GFM1: variants seen among roughly 807,000 people sequenced by gnomAD.
GFM1 encodes G elongation factor mitochondrial 1, also known as elongation factor G, mitochondrial.
Under a neutral mutation model 96.2 loss-of-function variants are expected in GFM1, and 62 were observed. That is an observed-to-expected ratio of 0.64 (90% CI 0.53 to 0.80). The LOEUF (loss-of-function observed/expected upper bound fraction) is 0.80. Ranked by LOEUF, GFM1 falls within the 30% of genes least tolerant of loss-of-function variation. GFM1 has a pLI of 0.00. For synonymous variants in GFM1, 282 were observed against 312.9 expected, an observed-to-expected ratio of 0.90 and a Z score of 1.04; for missense variants, 852 against 916.6, an observed-to-expected ratio of 0.93 and a Z score of 0.91.
chr3:158,691,649 G>GTAAT lies in GFM1; in HGVS notation c.*184_*187dup. 1.8e-6 allele frequency: 1 copy of GTAAT among 568,206 alleles called. No individual in the cohort carries two copies. The highest frequency in any genetic ancestry group is 3.1e-6 in the Non-Finnish European group (1 of 321,290). 35.2% of individuals were successfully genotyped at this position (568,206 alleles called of 1,614,324 possible). ...TCAGGAGCTTCTGTTATATTCAAAG[G>GTAAT]TAATTCTATGTCTATCTCAACTCTA... On this transcript the variant is annotated 3_prime_UTR_variant, in exon 18 of 18. Coordinates refer to ENST00000486715, the MANE Select transcript of GFM1 (RefSeq NM_024996.7).
Position 158,658,919 on chromosome 3 carries a change from T to A in GFM1, c.1084-3T>A. The A allele has an allele frequency of 6.2e-7, 1 of 1,614,160 alleles. No homozygotes were observed. The highest frequency in any genetic ancestry group is 1.1e-5 in the South Asian group (1 of 91,082). ...CCTGCCCTTACCCAATCTTGACTTC[T>A]AGGTAGGTCGATTTGGACAATTAAC... On this transcript the variant is annotated splice_region_variant and splice_polypyrimidine_tract_variant and intron_variant, in intron 8 of 17. Transcript: ENST00000486715.
chr3:158,671,708 C>T (rs1288494429), intron 13 of GFM1, among the ~76,000 whole-genome samples: 5 of 152,176 alleles, frequency 3.3e-5, no homozygotes, highest in South Asian at 2.1e-4. Flanking sequence ...AGTAGATTTT[C>T]GTAAAATGAA....
At chr3:158,678,537 T>C (rs998666672) in intron 13 of GFM1, among the ~76,000 whole-genome samples, 1 of 152,342 alleles carries the variant, frequency 6.6e-6, no homozygotes, top group Non-Finnish European at 1.5e-5. Context: ...GTATTGGCAA[T>C]AGCAGGAGAA....
In GFM1 at chr3:158,665,357, A is replaced by G. The variant is rs765609624; in HGVS notation, c.1401A>G (p.Ser467=). 1.5e-5 allele frequency: 24 copies of G among 1,610,792 alleles called. No homozygotes were observed. Among genetic ancestry groups the G allele is most frequent in the African/African-American group, 2.7e-5 (2 of 74,864 alleles). ...PSNKNDLEKF[S]KGIGRFTRED... ...TAAAGAACGATCTGGAAAAATTTTCAAAAGGTATTGGCAGGTTTACAAGAG... is the reference window on the plus strand; with the variant it reads ...TAAAGAACGATCTGGAAAAATTTTCGAAAGGTATTGGCAGGTTTACAAGAG... The change falls in exon 12 of 18, where the codon TCA becomes TCG. Residue 467 remains serine (S), a synonymous_variant. Transcript: ENST00000486715.
At chr3:158,649,346 G>C (rs1722108129) in intron 5 of GFM1, 189 bp downstream of exon 5, 1 of 470,220 alleles carries the variant, frequency 2.1e-6, no homozygotes, top group Non-Finnish European at 3.8e-6. Context: ...TATTCTGTGA[G>C]AGACTATGTT....
chr3:158,666,856 T>C, intron 13 of GFM1: 1 of 1,421,538 alleles, frequency 7.0e-7, no homozygotes, highest in Non-Finnish European at 9.6e-7. Flanking sequence ...AATAGTACTT[T>C]TGTTAAATTG....
At chr3:158,657,118 G>A (rs1044601192) in intron 8 of GFM1, 6 of 152,012 alleles carry the variant, frequency 3.9e-5, no homozygotes, top group African/African-American at 1.4e-4. Flanking sequence ...GTTAAGAGTG[G>A]TTATTTCTGG....
chr3:158,655,253 A>G (rs962180150), intron 8 of GFM1, among the ~76,000 whole-genome samples: 2 of 152,110 alleles, frequency 1.3e-5, no homozygotes, highest in Non-Finnish European at 2.9e-5. Flanking sequence ...TGGGAGGCCA[A>G]GGCGGGCGGA....
In GFM1 at chr3:158,646,172, G is replaced by A. The variant is rs1457393949; in HGVS notation, c.242G>A (p.Gly81Asp). ...GRIAKMHEVK[G>D]KDGVGAVMDS... is the part of the protein sequence containing the mutation. The stretch of plus-strand genomic sequence containing the variant: ...TGCTGTGCTTGTGTTTAGGTGAAAG[G>A]TAAAGATGGAGTTGGTGCTGTCATG... The change falls in exon 3 of 18, where the codon GGT becomes GAT. Residue 81 changes from glycine to aspartate, a missense_variant. Physicochemically the swap from Gly to Asp is moderately conservative, Grantham distance 94. Transcript: ENST00000486715. The A allele has an allele frequency of 6.2e-7, 1 of 1,614,178 alleles. No homozygotes were observed. Among genetic ancestry groups the A allele is most frequent in the African/African-American group, 1.3e-5 (1 of 75,058 alleles).
chr3:158,647,019 T>A, intron 4 of GFM1, 72 bp downstream of exon 4: 1 of 1,151,986 alleles, frequency 8.7e-7, no homozygotes, highest in Non-Finnish European at 1.3e-6. Context: ...AAAGGGTGAT[T>A]AATTCACTGT....
In GFM1 at chr3:158,658,918, C is replaced by T. The variant is rs771662319; in HGVS notation, c.1084-4C>T. ...TCCTGCCCTTACCCAATCTTGACTT[C>T]TAGGTAGGTCGATTTGGACAATTAA... On this transcript the variant is annotated splice_region_variant and splice_polypyrimidine_tract_variant and intron_variant, in intron 8 of 17. Transcript: ENST00000486715. 1 of 1,614,064 alleles carries T rather than the reference C, an allele frequency of 6.2e-7. No homozygotes were observed. Among genetic ancestry groups the T allele is most frequent in the Non-Finnish European group, 8.5e-7 (1 of 1,179,964 alleles).
At chr3:158,651,698 A>G (rs1722307702) in intron 5 of GFM1, among the ~76,000 whole-genome samples, 1 of 152,236 alleles carries the variant, frequency 6.6e-6, no homozygotes, top group Non-Finnish European at 1.5e-5. Flanking sequence ...ATTTTACTGT[A>G]TATTGAGTAA....
In GFM1 at chr3:158,693,048, A is replaced by G. The variant is rs1726423364; in HGVS notation, c.*1581A>G. The G allele has an allele frequency of 6.6e-6, 1 of 152,176 alleles. No homozygotes were observed. The highest frequency in any genetic ancestry group is 1.5e-5 in the Non-Finnish European group (1 of 68,028). The allele number at this position is 152,176 out of a possible 1,614,324, so 9.4% of individuals were successfully genotyped here. A position where few individuals can be genotyped will look rare whatever the true frequency, so the allele number is the denominator to read the frequency against. On this transcript the variant is annotated 3_prime_UTR_variant, in exon 18 of 18. Coordinates refer to ENST00000486715, the MANE Select transcript of GFM1 (RefSeq NM_024996.7). ...CATTCTCACAACCCCGAGAGTAAGT[A>G]CTATTATTATGTCCATTTTGTAATA...
intron 10 of GFM1, among the ~76,000 whole-genome samples, 177 bp downstream of exon 10, chr3:158,661,152 A>G (rs1301787173): frequency 6.6e-6 from 1 of 152,190 alleles, no homozygotes; most frequent in Non-Finnish European, 1.5e-5. Flanking sequence ...TCAATTAGAC[A>G]AGTGCTCTGT....
chr3:158,645,937 T>A, intron 2 of GFM1, 156 bp downstream of exon 2: 1 of 850,232 alleles, frequency 1.2e-6, no homozygotes, highest in Non-Finnish European at 1.9e-6. Flanking sequence ...AAGTTAAGTA[T>A]CTGTGTTCTG....
At position 158,669,608 on chromosome 3, in the gene GFM1, T is replaced by A. The variant is rs771522523; in HGVS notation, c.1601+3222T>A. Reference sequence around the variant, plus strand: ...CTTCAGCTGTGCAGTTCACCTTAACTTGCTGTTTGAAATTTAGCAAAATAT... The same window carrying A: ...CTTCAGCTGTGCAGTTCACCTTAACATGCTGTTTGAAATTTAGCAAAATAT... On this transcript the variant is annotated intron_variant, in intron 13 of 17. Transcript: ENST00000486715. 1.6e-5 allele frequency: 26 copies of A among 1,613,016 alleles called. No individual in the cohort carries two copies. In the African/African-American group the frequency reaches 3.1e-4, roughly 19 times the overall value.
chr3:158,655,961 TG>T (rs761170574), intron 8 of GFM1: 22 of 456,254 alleles, frequency 4.8e-5, no homozygotes, highest in Non-Finnish European at 2.6e-5. Context: ...TTGATATTTT[TG>T]AGAAGTATTG....
At chr3:158,674,425 C>A (rs138817345) in intron 13 of GFM1, among the ~76,000 whole-genome samples, 1 of 152,040 alleles carries the variant, frequency 6.6e-6, no homozygotes, top group Non-Finnish European at 1.5e-5. Context: ...TTTGCAAATA[C>A]AGAATATCAG....
rs571862597 is a variant in GFM1, at chr3:158,680,904, C to A, written c.1602-1091C>A. Among the ~76,000 whole-genome samples the A allele has an allele frequency of 3.3e-5, 5 of 152,224 alleles. No individual in the cohort carries two copies. In the South Asian group the frequency reaches 1.0e-3, roughly 32 times the overall value. ...TAGAACTTGGTGCAGTGATGGAAAT[C>A]TTTTAATTTAAATGTAAACAGCCAT... On this transcript the variant is annotated intron_variant, in intron 13 of 17. Transcript: ENST00000486715.
Sources: allele counts gnomAD v4.1 joint callset (sites outside exome capture counted in the v4.1 genomes callset), GRCh38; gene constraint gnomAD v4.1.1; transcripts MANE v1.5; gene names NCBI Gene and HGNC (gene_info 2026-07-23, HGNC 2026-07-21).